FBRSL1: variants seen among roughly 807,000 people sequenced by gnomAD.
The protein encoded by FBRSL1 is fibrosin like 1, also known as fibrosin-1-like protein.
Under a neutral mutation model 89.6 loss-of-function variants are expected in FBRSL1, and 51 were observed. That is an observed-to-expected ratio of 0.57 (90% CI 0.45 to 0.72). The LOEUF (loss-of-function observed/expected upper bound fraction) is 0.72, where lower values mean the gene tolerates loss of function less well. Among genes scored for constraint, FBRSL1 ranks in the 30% least tolerant of loss-of-function variants. The pLI is 0.00. For synonymous variants in FBRSL1, 779 were observed against 681.1 expected (o/e 1.14, Z -2.24); for missense variants, 1,618 against 1,451.8 (o/e 1.11, Z -1.86).
In FBRSL1 at chr12:132,584,818, T is replaced by A. The variant is rs7962881; in HGVS notation, c.*1040T>A. On this transcript the variant is annotated 3_prime_UTR_variant, in exon 19 of 19. Transcript: ENST00000680143. The stretch of plus-strand genomic sequence containing the variant: ...AAGTGCAAGAGTCTAAAGGCTGATT[T>A]TACACACACACACACACACACACAC... The A allele has an allele frequency of 0.12, 3,093 of 24,848 alleles. 34 individuals carry two copies. Among genetic ancestry groups the A allele is most frequent in the Non-Finnish European group, 0.15 (2,199 of 14,978 alleles). 1.5% of individuals were successfully genotyped at this position (24,848 alleles called of 1,614,324 possible).
intron 2 of FBRSL1, among the ~76,000 whole-genome samples, chr12:132,516,897 G>T (rs778114836): frequency 2.3e-4 from 35 of 152,170 alleles, no homozygotes; most frequent in African/African-American, 8.0e-4. Flanking sequence ...ATTTGTTTTC[G>T]GGTTGTTGAG....
intron 15 of FBRSL1, chr12:132,580,893 C>T (rs1325946542): frequency 3.5e-5 from 34 of 985,328 alleles, no homozygotes; most frequent in Middle Eastern, 5.2e-4. Context: ...AGGCCCCACA[C>T]GGTTGCTCTC....
At chr12:132,494,935 C>T (rs757054190) in intron 1 of FBRSL1, among the ~76,000 whole-genome samples, 5 of 152,228 alleles carry the variant, frequency 3.3e-5, no homozygotes, top group Non-Finnish European at 5.9e-5. Flanking sequence ...CCTGCACAGA[C>T]GGTTGTGCTT....
chr12:132,560,674 C>T (rs2039046184), intron 5 of FBRSL1, among the ~76,000 whole-genome samples: 1 of 152,150 alleles, frequency 6.6e-6, no homozygotes, highest in Non-Finnish European at 1.5e-5. Flanking sequence ...CAAAGCGCGC[C>T]CTGACCTCCG....
At chr12:132,536,873 ATG>A (rs1566162820) in intron 4 of FBRSL1, among the ~76,000 whole-genome samples, 1 of 152,258 alleles carries the variant, frequency 6.6e-6, no homozygotes, top group Non-Finnish European at 1.5e-5. Flanking sequence ...GTGTACATAA[ATG>A]TATGTGGCTG....
At chr12:132,506,561 A>G (rs2033711536) in intron 1 of FBRSL1, among the ~76,000 whole-genome samples, 2 of 152,230 alleles carry the variant, frequency 1.3e-5, no homozygotes, top group Admixed American at 6.5e-5. Context: ...GTGAAAGGTA[A>G]CACCTTGATT....
chr12:132,522,083 G>A (rs1446174319), intron 2 of FBRSL1, among the ~76,000 whole-genome samples: 1 of 152,092 alleles, frequency 6.6e-6, no homozygotes, highest in Non-Finnish European at 1.5e-5. Context: ...GTCTCTGTGT[G>A]CAGCCGGCGC....
intron 11 of FBRSL1, 81 bp downstream of exon 11, chr12:132,572,703 C>T: frequency 9.9e-7 from 1 of 1,007,178 alleles, no homozygotes; most frequent in South Asian, 1.4e-5. Flanking sequence ...TCGCCAAACT[C>T]TCTGCCCACA....
chr12:132,528,040 C>T (rs867146172), intron 4 of FBRSL1, 52 bp downstream of exon 4: 1 of 1,502,572 alleles, frequency 6.7e-7, no homozygotes, highest in South Asian at 1.2e-5. Context: ...GGCCTTAGGA[C>T]CAGGTCCCCA....
intron 3 of FBRSL1, among the ~76,000 whole-genome samples, chr12:132,527,163 C>G (rs768588573): frequency 7.2e-5 from 11 of 152,102 alleles, no homozygotes; most frequent in Non-Finnish European, 1.5e-4. Context: ...GGTACCTCCT[C>G]CCGGAAGCCT....
rs372270728 is a variant in FBRSL1, at chr12:132,565,663, G to A, written c.646-1818G>A. 7.9e-5 allele frequency: 12 copies of A among 152,430 alleles called. 2 individuals are homozygous for A. Among genetic ancestry groups the A allele is most frequent in the African/African-American group, 2.9e-4 (12 of 41,590 alleles). The allele number at this position is 152,430 out of a possible 1,614,324, so 9.4% of individuals were successfully genotyped here. A position where few individuals can be genotyped will look rare whatever the true frequency, so the allele number is the denominator to read the frequency against. The stretch of plus-strand genomic sequence containing the variant: ...TACCCGAGTGTGTGTACGTGCCTGA[G>A]TGTGTGTACGTGCCCAAGCACAGGC... On this transcript the variant is annotated intron_variant, in intron 5 of 18. Transcript: ENST00000680143.
intron 5 of FBRSL1, chr12:132,552,830 C>T (rs1279375945): frequency 1.8e-5 from 3 of 165,344 alleles, no homozygotes; most frequent in Non-Finnish European, 4.0e-5. Context: ...GCAGGACAGA[C>T]AGAAGGACGG....
chr12:132,556,184 G>A (rs747174079), intron 5 of FBRSL1, among the ~76,000 whole-genome samples: 8 of 152,126 alleles, frequency 5.3e-5, no homozygotes, highest in Non-Finnish European at 1.2e-4. Context: ...CTTTTCTCCC[G>A]ACATTCCGGG....
chr12:132,569,266 G>A (rs1306753623), intron 6 of FBRSL1, among the ~76,000 whole-genome samples: 4 of 152,136 alleles, frequency 2.6e-5, no homozygotes, highest in Admixed American at 6.5e-5. Flanking sequence ...ACCTGCGGGG[G>A]ACGTGCCTAG....
rs559744053 is a variant in FBRSL1, at chr12:132,502,603, T to C, written c.292-5550T>C. On this transcript the variant is annotated intron_variant, in intron 1 of 18. Coordinates refer to ENST00000680143, the MANE Select transcript of FBRSL1 (RefSeq NM_001367871.1). The stretch of plus-strand genomic sequence containing the variant: ...CCAGGCTCAGCCCCTATCAGACGGT[T>C]CTCCAGGCGTGGCTGGACTGGAACC... Among the ~76,000 whole-genome samples the C allele has an allele frequency of 2.0e-5, 3 of 152,140 alleles. No individual in the cohort carries two copies. The East Asian group carries it at 5.8e-4, about 29-fold the overall frequency.
intron 4 of FBRSL1, 74 bp from the exon 5 acceptor site, chr12:132,547,929 G>A: frequency 6.6e-7 from 1 of 1,512,026 alleles, no homozygotes; most frequent in East Asian, 2.5e-5. Flanking sequence ...CCTGCAGCCT[G>A]GCTGCTGCCG....
At chr12:132,581,251 C>T (rs1279747521) in intron 15 of FBRSL1, 188 bp from the exon 16 acceptor site, 1 of 730,134 alleles carries the variant, frequency 1.4e-6, no homozygotes, top group Non-Finnish European at 1.6e-6. Context: ...CAAGTCAAAC[C>T]TCCTCCGAAT....
intron 18 of FBRSL1, among the ~76,000 whole-genome samples, 200 bp from the exon 19 acceptor site, chr12:132,582,771 G>A (rs898409665): frequency 6.6e-6 from 1 of 152,248 alleles, no homozygotes; most frequent in South Asian, 2.1e-4. Context: ...TCCGTCTCCC[G>A]GCCAAGGTTT....
intron 5 of FBRSL1, chr12:132,552,772 G>C (rs2038297988): frequency 6.3e-6 from 1 of 159,484 alleles, no homozygotes; most frequent in African/African-American, 2.4e-5. Flanking sequence ...CAGAAGGACG[G>C]ATGGACGGCT....
Sources: allele counts gnomAD v4.1 joint callset (sites outside exome capture counted in the v4.1 genomes callset), GRCh38; gene constraint gnomAD v4.1.1; transcripts MANE v1.5; gene names NCBI Gene and HGNC (gene_info 2026-07-23, HGNC 2026-07-21).